The following BBS9 variants were observed in gnomAD, a reference collection of about 807,000 sequenced individuals.
BBS9 encodes the protein protein PTHB1.
BBS9 carries 89 observed loss-of-function variants against 117.7 expected under a neutral mutation model. That is an observed-to-expected ratio of 0.76 (90% CI 0.64 to 0.90). The LOEUF (loss-of-function observed/expected upper bound fraction) is 0.90, where lower values mean the gene tolerates loss of function less well. Ranked by LOEUF, BBS9 falls within the 40% of genes least tolerant of loss-of-function variation. The pLI is 0.00. For synonymous variants in BBS9, 379 were observed against 370.9 expected (o/e 1.02, Z -0.25); for missense variants, 982 against 1,042.2 (o/e 0.94, Z 0.80).
At chr7:33,313,734 C>T (rs1329022952) in intron 9 of BBS9, among the ~76,000 whole-genome samples, 1 of 152,146 alleles carries the variant, frequency 6.6e-6, no homozygotes, top group Non-Finnish European at 1.5e-5. Context: ...TTTTCTTGGG[C>T]ATTTTAATTA....
At chr7:33,635,151 C>G (rs1866084150) in intron 21 of BBS9, among the ~76,000 whole-genome samples, 1 of 152,188 alleles carries the variant, frequency 6.6e-6, no homozygotes, top group African/African-American at 2.4e-5. Flanking sequence ...TCTGCCATTA[C>G]TCCCTCCATC....
chr7:33,346,214 T>G (rs1448382390), intron 12 of BBS9: 1 of 467,840 alleles, frequency 2.1e-6, no homozygotes, highest in Non-Finnish European at 4.4e-6. Context: ...CTTATGACCT[T>G]TTATAACAAC....
At chr7:33,635,558 T>C (rs1208956999) in exon 22 of BBS9, among the ~76,000 whole-genome samples, 1 of 152,220 alleles carries the variant, frequency 6.6e-6, no homozygotes, top group Admixed American at 6.5e-5. Context: ...CCCGCCTTGT[T>C]TTGCTTTAAT....
intron 5 of BBS9, among the ~76,000 whole-genome samples, chr7:33,219,991 C>T (rs1327378237): frequency 2.6e-5 from 4 of 152,148 alleles, no homozygotes; most frequent in Admixed American, 1.3e-4. Flanking sequence ...GAAGAAACTC[C>T]GAACACATCT....
intron 5 of BBS9, among the ~76,000 whole-genome samples, chr7:33,233,035 C>T (rs868164393): frequency 6.6e-6 from 1 of 151,992 alleles, no homozygotes; most frequent in East Asian, 1.9e-4. Context: ...TTGACTTAAG[C>T]CTTTAGCAGA....
At chr7:33,252,901 G>A (rs575736436) in intron 5 of BBS9, among the ~76,000 whole-genome samples, 35 of 151,938 alleles carry the variant, frequency 2.3e-4, no homozygotes, top group African/African-American at 8.4e-4. Context: ...TATAGAAAAA[G>A]TAAAATGAAA....
intron 20 of BBS9, among the ~76,000 whole-genome samples, chr7:33,511,164 A>C (rs551380828): frequency 6.6e-6 from 1 of 152,028 alleles, no homozygotes; most frequent in Admixed American, 6.6e-5. Flanking sequence ...TGAATACAGC[A>C]TTCTAGGTGG....
intron 18 of BBS9, 78 bp from the exon 19 acceptor site, chr7:33,387,914 T>C: frequency 5.4e-6 from 8 of 1,474,490 alleles, no homozygotes; most frequent in Non-Finnish European, 7.6e-6. Context: ...TTTACTTTTA[T>C]TATCATTGTG....
intron 17 of BBS9, among the ~76,000 whole-genome samples, chr7:33,376,181 C>T (rs1823854285): frequency 6.6e-6 from 1 of 152,100 alleles, no homozygotes; most frequent in African/African-American, 2.4e-5. Context: ...TCTCCTTCCT[C>T]CCACCCTCCA....
At chr7:33,462,055 G>A (rs1839537500) in intron 19 of BBS9, among the ~76,000 whole-genome samples, 1 of 151,950 alleles carries the variant, frequency 6.6e-6, no homozygotes, top group South Asian at 2.1e-4. Flanking sequence ...ACATGAAGAT[G>A]TATAGTTTTT....
intron 6 of BBS9, among the ~76,000 whole-genome samples, chr7:33,263,607 C>T (rs1176051643): frequency 2.0e-5 from 3 of 152,040 alleles, no homozygotes; most frequent in Admixed American, 6.5e-5. Context: ...ATCATAATGT[C>T]GATTACTGAG....
At chr7:33,516,207 T>C (rs1368144036) in intron 20 of BBS9, among the ~76,000 whole-genome samples, 2 of 152,076 alleles carry the variant, frequency 1.3e-5, no homozygotes, top group African/African-American at 2.4e-5. Flanking sequence ...TGATGGAACA[T>C]AGGCCGGGCG....
At chr7:33,175,714 G>C (rs1010277175) in intron 4 of BBS9, among the ~76,000 whole-genome samples, 3 of 151,840 alleles carry the variant, frequency 2.0e-5, no homozygotes, top group African/African-American at 7.3e-5. Context: ...AGGCAAAAGG[G>C]AGGGAAAAAA....
intron 9 of BBS9, among the ~76,000 whole-genome samples, chr7:33,284,545 GTGAATTTAATC>G (rs1389815675): frequency 6.6e-6 from 1 of 152,136 alleles, no homozygotes; most frequent in African/African-American, 2.4e-5. Context: ...TGGGAATGTA[GTGAATTTAATC>G]TGTTTAAACC....
rs1347728719 is a variant in BBS9, at chr7:33,492,219, AAAAAAC to A, written c.2116-13238_2116-13233del. Among the ~76,000 whole-genome samples, 211 of 146,256 alleles carry A rather than the reference AAAAAAC, an allele frequency of 1.4e-3. 4 individuals are homozygous for A. In the South Asian group the frequency reaches 0.019, roughly 13 times the overall value. ...TTCCACCTCGAAAAAAAAAACAAAAAAAAAACAAAAAAAAAACTTGGTTGAGTGTTT... is the reference window on the plus strand; with the variant it reads ...TTCCACCTCGAAAAAAAAAACAAAAAAAAAAAAAAACTTGGTTGAGTGTTT... On this transcript the variant is annotated intron_variant, in intron 19 of 22. Transcript: ENST00000242067.
At chr7:33,432,796 T>TC (rs911349339) in intron 19 of BBS9, among the ~76,000 whole-genome samples, 2 of 151,558 alleles carry the variant, frequency 1.3e-5, no homozygotes, top group African/African-American at 2.4e-5. Flanking sequence ...CTTTTTTTTT[T>TC]CAAGGTATTT....
intron 9 of BBS9, among the ~76,000 whole-genome samples, 187 bp from the exon 10 acceptor site, chr7:33,336,254 A>G (rs1815334238): frequency 6.6e-6 from 1 of 152,206 alleles, no homozygotes; most frequent in Non-Finnish European, 1.5e-5. Context: ...TAACATTGGG[A>G]ATACTTCTGT....
chr7:33,511,490 G>T (rs1179546752), intron 20 of BBS9, among the ~76,000 whole-genome samples: 1 of 152,114 alleles, frequency 6.6e-6, no homozygotes. Context: ...ATAGCATTAT[G>T]CCTGTTTCTT....
chr7:33,290,546 T>C (rs1803824874), intron 9 of BBS9, among the ~76,000 whole-genome samples: 1 of 152,174 alleles, frequency 6.6e-6, no homozygotes, highest in African/African-American at 2.4e-5. Context: ...CTGCAGCCAC[T>C]AAAGCATCGA....
Sources: gnomAD v4.1 joint callset for allele counts (sites outside exome capture counted in the v4.1 genomes callset) on GRCh38, gnomAD v4.1.1 for gene constraint, MANE v1.5 for transcripts, NCBI Gene and HGNC (gene_info 2026-07-23, HGNC 2026-07-21) for gene names.